TEP1: variants seen among roughly 807,000 people sequenced by gnomAD.
TEP1 encodes the protein telomerase protein component 1.
Under a neutral mutation model 306.3 loss-of-function variants are expected in TEP1, and 241 were observed. That is an observed-to-expected ratio of 0.79 (90% CI 0.71 to 0.88). The LOEUF (loss-of-function observed/expected upper bound fraction) is 0.88, where lower values mean the gene tolerates loss of function less well. TEP1 is among the 40% of genes least tolerant of loss of function. The pLI is 0.00. For synonymous variants in TEP1, 1,289 were observed against 1,305.5 expected, an observed-to-expected ratio of 0.99 and a Z score of 0.27; for missense variants, 3,051 against 3,276.1, an observed-to-expected ratio of 0.93 and a Z score of 1.68.
intron 12 of TEP1, among the ~76,000 whole-genome samples, chr14:20,395,031 C>A (rs933651995): frequency 6.6e-6 from 1 of 152,058 alleles, no homozygotes; most frequent in East Asian, 1.9e-4. Context: ...AATACACACA[C>A]ACACAACAAA....
intron 12 of TEP1, among the ~76,000 whole-genome samples, chr14:20,394,678 C>T (rs1339538353): frequency 6.6e-6 from 1 of 152,072 alleles, no homozygotes; most frequent in Admixed American, 6.6e-5. Flanking sequence ...GGGGGTTTCA[C>T]CATGTTGGCC....
intron 7 of TEP1, among the ~76,000 whole-genome samples, chr14:20,401,973 G>A (rs891008829): frequency 6.6e-6 from 1 of 152,144 alleles, no homozygotes; most frequent in Admixed American, 6.5e-5. Flanking sequence ...CAGGCTACGA[G>A]GAGTTTAAAA....
In TEP1 at chr14:20,372,992, C is replaced by G. The variant is rs933417545; in HGVS notation, c.6951+19G>C. ...GGTAGAATTCACACAGACAAAGAAC[C>G]AAGGGTACACCGACTCACCTGTGCT... is the stretch of plus-strand genomic sequence containing the variant. On this transcript the variant is annotated intron_variant, in intron 48 of 54. Transcript: ENST00000262715. 2 of 1,613,972 alleles carry G rather than the reference C, an allele frequency of 1.2e-6. No homozygotes were observed. Among genetic ancestry groups the G allele is most frequent in the South Asian group, 1.1e-5 (1 of 91,064 alleles).
intron 1 of TEP1, among the ~76,000 whole-genome samples, chr14:20,412,276 T>A (rs553081630): frequency 6.6e-6 from 1 of 152,132 alleles, no homozygotes; most frequent in Non-Finnish European, 1.5e-5. Flanking sequence ...AGATTTTTTT[T>A]AAAAGAGATC....
chr14:20,388,205 AGTT>A, intron 17 of TEP1, 142 bp from the exon 18 acceptor site: 1 of 806,710 alleles, frequency 1.2e-6, no homozygotes. Context: ...GACCATAAGC[AGTT>A]TATGCAGACT....
At chr14:20,374,385 G>C in intron 44 of TEP1, 44 bp downstream of exon 44, 1 of 1,460,236 alleles carries the variant, frequency 6.8e-7, no homozygotes, top group East Asian at 2.3e-5. Flanking sequence ...AGCCCCCTTA[G>C]CCCTTCCAGA....
chr14:20,388,910 G>A (rs1386646252), intron 17 of TEP1, among the ~76,000 whole-genome samples: 1 of 152,206 alleles, frequency 6.6e-6, no homozygotes, highest in African/African-American at 2.4e-5. Context: ...AGCACTTTGG[G>A]AGGCTGAGGT....
rs1437232757 is a variant in TEP1, at chr14:20,380,040, G to C, written c.5017C>G (p.Leu1673Val). Residue 1673 changes from leucine (L) to valine (V), a missense_variant, in exon 35 of 55, where the codon CTG (leucine) becomes GTG (valine). Physicochemically the swap from Leu to Val is conservative, Grantham distance 32. This residue lies in a region of TEP1 where 1,540 missense variants were observed against 1,705.9 expected (regional missense o/e 0.90). Coordinates refer to ENST00000262715, the MANE Select transcript of TEP1 (RefSeq NM_007110.5). ...MKNQQSSSLS[L>V]AVSSSPTAVA... Reference sequence around the variant, plus strand: ...GCAGTAGGGGATGAGGAAACTGCCAGAGACAGGCTGGAGCTAGAGAAAGAG... The same window carrying C: ...GCAGTAGGGGATGAGGAAACTGCCACAGACAGGCTGGAGCTAGAGAAAGAG... 7 of 1,612,180 alleles carry C rather than the reference G, an allele frequency of 4.3e-6. No individual in the cohort carries two copies. The highest frequency in any genetic ancestry group is 2.2e-5 in the East Asian group (1 of 44,890).
intron 1 of TEP1, among the ~76,000 whole-genome samples, chr14:20,413,005 GCA>G (rs10556159): frequency 0.55 from 82,608 of 151,564 alleles, 23,244 homozygotes; most frequent in African/African-American, 0.7. Context: ...GCACATTTAA[GCA>G]CAGTCTGGGT....
Position 20,401,106 on chromosome 14 carries a change from C to A in TEP1, c.1427G>T (p.Arg476Leu). 1 of 1,614,054 alleles carries A rather than the reference C, an allele frequency of 6.2e-7. No individual in the cohort carries two copies. Among genetic ancestry groups the A allele is most frequent in the East Asian group, 2.2e-5 (1 of 44,884 alleles). Residue 476 changes from arginine to leucine, a missense_variant, in exon 9 of 55, where the codon CGC becomes CTC. Around this residue, in one of 3 missense-constraint regions of TEP1, gnomAD observed 1,507 missense variants for 1,550.5 expected, o/e 0.97. Transcript: ENST00000262715. ...GCTAGAATCCCAAGGCCCAGGAAGGCGACTTCGAGAAAAGAGCTGTAGGTT... is the reference window on the plus strand; with the variant it reads ...GCTAGAATCCCAAGGCCCAGGAAGGAGACTTCGAGAAAAGAGCTGTAGGTT... ...PSNLQLFSRSRLPGPWDSSRA... is the reference protein window; with the variant it reads ...PSNLQLFSRSLLPGPWDSSRA...
In TEP1 at chr14:20,389,549, G is replaced by A. The variant is rs149770370; in HGVS notation, c.2465+61C>T. The A allele has an allele frequency of 1.4e-4, 231 of 1,597,514 alleles. 1 individual carries two copies. Among genetic ancestry groups the A allele is most frequent in the African/African-American group, 8.1e-4 (61 of 74,856 alleles). On this transcript the variant is annotated intron_variant, in intron 16 of 54. Transcript: ENST00000262715. Reference sequence around the variant, plus strand: ...GGGAGTGTCCTATGCTTTGGCAGGCGTAGAGAGGAAATGTAGACCACTGAT... The same window carrying A: ...GGGAGTGTCCTATGCTTTGGCAGGCATAGAGAGGAAATGTAGACCACTGAT...
In TEP1 at chr14:20,369,584, T is replaced by A; in HGVS notation, c.7424-8A>T. On this transcript the variant is annotated splice_polypyrimidine_tract_variant and splice_region_variant and intron_variant, in intron 52 of 54. Transcript: ENST00000262715. The stretch of plus-strand genomic sequence containing the variant: ...CACACAAAAATGAGGACTCTGCCAT[T>A]TTAAGGACAGAATTAGAGCCAAGTC... The A allele has an allele frequency of 6.2e-7, 1 of 1,614,054 alleles. No individual in the cohort carries two copies. The highest frequency in any genetic ancestry group is 8.5e-7 in the Non-Finnish European group (1 of 1,179,952).
intron 9 of TEP1, among the ~76,000 whole-genome samples, chr14:20,397,337 C>T (rs1197536602): frequency 1.3e-5 from 2 of 151,992 alleles, no homozygotes; most frequent in Admixed American, 1.3e-4. Context: ...TTATGAAACC[C>T]CGTCTCTACA....
At chr14:20,404,238 C>A (rs1487177209) in intron 5 of TEP1, among the ~76,000 whole-genome samples, 1 of 151,936 alleles carries the variant, frequency 6.6e-6, no homozygotes, top group African/African-American at 2.4e-5. Flanking sequence ...GCCTGTAATC[C>A]CAGCTACTTG....
intron 51 of TEP1, 120 bp downstream of exon 51, chr14:20,371,098 G>T: frequency 1.3e-6 from 1 of 793,070 alleles, no homozygotes; most frequent in Non-Finnish European, 2.2e-6. Flanking sequence ...GTTGAAGGAG[G>T]ATAAGAGGAT....
chr14:20,403,569 C>T (rs1410202644), intron 6 of TEP1, 121 bp from the exon 7 acceptor site: 4 of 1,589,982 alleles, frequency 2.5e-6, no homozygotes, highest in Non-Finnish European at 2.6e-6. Context: ...AGAAGACTGC[C>T]CTGCACCATA....
intron 38 of TEP1, 29 bp downstream of exon 38, chr14:20,378,351 C>T (rs1470951288): frequency 1.2e-6 from 2 of 1,613,828 alleles, no homozygotes; most frequent in Non-Finnish European, 8.5e-7. Context: ...TCCTGTGCTT[C>T]CCCCAAGAGC....
In TEP1 at chr14:20,380,329, G is replaced by A; in HGVS notation, c.4909C>T (p.Leu1637Phe). Residue 1637 changes from leucine (L) to phenylalanine (F), a missense_variant, in exon 34 of 55, where the codon CTT (leucine) becomes TTT (phenylalanine). By Grantham distance (22) the Leu-to-Phe change is conservative (BLOSUM62 0). Around this residue, in one of 3 missense-constraint regions of TEP1, gnomAD observed 1,540 missense variants for 1,705.9 expected, o/e 0.90. Coordinates refer to ENST00000262715, the MANE Select transcript of TEP1 (RefSeq NM_007110.5). ...QAANQPLDSP[L>F]CHQASLLSRR... ...GAGAGCAGCGAGGCTTGGTGGCAAA[G>A]AGGTGAGTCCAGGGGCTGGTTGGCT... is the stretch of plus-strand genomic sequence containing the variant. The A allele has an allele frequency of 1.9e-6, 3 of 1,614,218 alleles. No individual in the cohort carries two copies. The highest frequency in any genetic ancestry group is 2.5e-6 in the Non-Finnish European group (3 of 1,180,044).
intron 41 of TEP1, 51 bp from the exon 42 acceptor site, chr14:20,376,315 C>T (rs775277827): frequency 1.3e-6 from 2 of 1,584,500 alleles, no homozygotes; most frequent in Admixed American, 1.8e-5. Context: ...GGAAGCCAGA[C>T]AGGCCCTGGG....
Sources: gnomAD v4.1 joint callset for allele counts (sites outside exome capture counted in the v4.1 genomes callset) on GRCh38, gnomAD v4.1.1 for gene constraint, gnomAD v4.1.1 regional missense constraint, MANE v1.5 for transcripts, NCBI Gene and HGNC (gene_info 2026-07-23, HGNC 2026-07-21) for gene names.